The following SYNJ2 variants were observed in gnomAD, a reference collection of about 807,000 sequenced individuals.
SYNJ2 encodes the protein synaptojanin 2.
In SYNJ2, 116 loss-of-function variants were observed where a neutral mutation model predicts 141.3. That is an observed-to-expected ratio of 0.82 (90% CI 0.71 to 0.96). SYNJ2 has a LOEUF of 0.96. SYNJ2 is among the 40% of genes least tolerant of loss of function. The pLI, the probability that SYNJ2 is intolerant of heterozygous loss-of-function variation, is 0.00. For missense variants in SYNJ2, 1,873 were observed against 1,934.8 expected (o/e 0.97, Z 0.60); for synonymous variants, 745 against 777.7 (o/e 0.96, Z 0.70).
Position 158,046,241 on chromosome 6 carries a change from CG to C in SYNJ2, c.795+2844del, listed in dbSNP as rs1364367376. On this transcript the variant is annotated intron_variant, in intron 5 of 26. Coordinates refer to ENST00000355585, the MANE Select transcript of SYNJ2 (RefSeq NM_003898.4). ...GATTACAGGCGTGAGCCATCGCGCC[CG>C]GCCTCCATGGTTTCTTCAAAACAAG... Among the ~76,000 whole-genome samples, 5 of 151,810 alleles carry C rather than the reference CG, an allele frequency of 3.3e-5. No homozygotes were observed. The East Asian group carries it at 9.7e-4, about 29-fold the overall frequency.
intron 2 of SYNJ2, among the ~76,000 whole-genome samples, chr6:158,021,754 G>T (rs1304641619): frequency 6.6e-6 from 1 of 152,198 alleles, no homozygotes; most frequent in Non-Finnish European, 1.5e-5. Context: ...AGTCTTTTGG[G>T]ATGCAGTGTT....
chr6:158,047,023 T>A (rs1007953311), intron 5 of SYNJ2, among the ~76,000 whole-genome samples: 2 of 152,144 alleles, frequency 1.3e-5, no homozygotes, highest in Non-Finnish European at 2.9e-5. Flanking sequence ...TGCCTTCACC[T>A]CTTTCCTGCC....
At chr6:157,987,558 C>T (rs372813804) in intron 1 of SYNJ2, among the ~76,000 whole-genome samples, 63 of 152,012 alleles carry the variant, frequency 4.1e-4, no homozygotes, top group African/African-American at 1.4e-3. Flanking sequence ...CGTGCCATCA[C>T]GTCCGGCTAA....
upstream of SYNJ2, chr6:157,981,744 G>T (rs551589043): frequency 2.0e-4 from 69 of 337,092 alleles, no homozygotes; most frequent in African/African-American, 1.5e-3. This position sits in a 1 kb window ranked among gnomAD's most constrained non-coding sequence, Gnocchi z 6.4. Context: ...GCGCGGGGCC[G>T]GGCGGGAGGC....
chr6:158,078,872 G>GCAAC (rs1462919305), intron 18 of SYNJ2: 2 of 143,616 alleles, frequency 1.4e-5, no homozygotes, highest in Non-Finnish European at 3.0e-5. Context: ...TCAGCTCACT[G>GCAAC]CAACCTCCGC....
intron 23 of SYNJ2, among the ~76,000 whole-genome samples, chr6:158,088,180 C>T (rs767835721): frequency 6.6e-6 from 1 of 150,654 alleles, no homozygotes; most frequent in Non-Finnish European, 1.5e-5. Flanking sequence ...CCTACCTCAG[C>T]CTGCCAAGTA....
At chr6:158,021,311 T>G (rs1778758637) in intron 2 of SYNJ2, among the ~76,000 whole-genome samples, 1 of 152,236 alleles carries the variant, frequency 6.6e-6, no homozygotes, top group Non-Finnish European at 1.5e-5. Context: ...ACAGCTGAAC[T>G]GCATTTAATC....
rs1386709219 is a variant in SYNJ2, at chr6:158,041,339, A to G, written c.712-1977A>G. 2.0e-5 allele frequency among the ~76,000 whole-genome samples: 3 copies of G among 152,284 alleles called. No individual in the cohort carries two copies. In the East Asian group the frequency reaches 5.8e-4, roughly 29 times the overall value. ...AATGACATCTGTGAGGTGAGACATC[A>G]CTTCTTCCACTGGTATTAAAAGTTG... On this transcript the variant is annotated intron_variant, in intron 4 of 26. Transcript: ENST00000355585.
intron 1 of SYNJ2, among the ~76,000 whole-genome samples, chr6:158,006,859 G>A (rs373111464): frequency 6.7e-6 from 1 of 148,206 alleles, no homozygotes; most frequent in Admixed American, 6.8e-5. Context: ...TTTTAGTGGA[G>A]GTGGGGTTTC....
At position 158,064,634 on chromosome 6, in the gene SYNJ2, A is replaced by G; in HGVS notation, c.1243A>G (p.Ser415Gly). ...TCTGCAGCTCAAGACCCTGGGGCTG[A>G]GTTCAAAACCCATCGTTGACCGCTT... ...LHLQLKTLGLSSKPIVDRFVE... is the reference protein window; with the variant it reads ...LHLQLKTLGLGSKPIVDRFVE... Residue 415 changes from serine to glycine, a missense_variant, in exon 10 of 27, where the codon AGT (serine) becomes GGT (glycine). Ser to Gly is a moderately conservative substitution (Grantham distance 56). Coordinates refer to ENST00000355585, the MANE Select transcript of SYNJ2 (RefSeq NM_003898.4). 6.2e-7 allele frequency: 1 copy of G among 1,614,022 alleles called. No individual in the cohort carries two copies. The highest frequency in any genetic ancestry group is 8.5e-7 in the Non-Finnish European group (1 of 1,180,014).
intron 25 of SYNJ2, among the ~76,000 whole-genome samples, chr6:158,090,699 C>G (rs1428236616): frequency 6.6e-6 from 1 of 151,864 alleles, no homozygotes; most frequent in Non-Finnish European, 1.5e-5. Flanking sequence ...CGCGCAGCCC[C>G]ATGATGAGCC....
intron 24 of SYNJ2, 95 bp from the exon 25 acceptor site, chr6:158,089,744 G>T: frequency 1.3e-6 from 1 of 776,004 alleles, no homozygotes; most frequent in Non-Finnish European, 2.2e-6. Context: ...ATCGTCTGGT[G>T]GAGCCCTGCA....
At position 157,982,679 on chromosome 6, in the gene SYNJ2, A is replaced by G. The variant is rs1323899231; in HGVS notation, c.127+591A>G. Among the ~76,000 whole-genome samples, 2 of 152,216 alleles carry G rather than the reference A, an allele frequency of 1.3e-5. No homozygotes were observed. Among genetic ancestry groups the G allele is most frequent in the Non-Finnish European group, 2.9e-5 (2 of 68,046 alleles). The stretch of plus-strand genomic sequence containing the variant: ...CCTGCCAAGCCAGCGAATTTCACCT[A>G]TGGACTTCAGAAGCCTTGAAACTGG... On this transcript the variant is annotated intron_variant, in intron 1 of 26. Transcript: ENST00000355585. This position sits in a 1 kb window ranked among gnomAD's most constrained non-coding sequence, Gnocchi z 4.0.
At position 158,076,793 on chromosome 6, in the gene SYNJ2, C is replaced by T. The variant is rs749971217; in HGVS notation, c.2449+11C>T. ...CCTTTGATAAAACAGGTGAGGGGGC[C>T]GTGCCCGTTCGAGAGTCGGCAGAGG... On this transcript the variant is annotated intron_variant, in intron 17 of 26. Transcript: ENST00000355585. 1.4e-5 allele frequency: 22 copies of T among 1,600,524 alleles called. No homozygotes were observed. The East Asian group carries it at 3.6e-4, about 26-fold the overall frequency.
rs182865265 is a variant in SYNJ2 at position 158,094,121 on chromosome 6, G to A, written c.3744+1017G>A. 1.4e-4 allele frequency: 91 copies of A among 645,178 alleles called. 1 individual carries two copies. Among genetic ancestry groups the A allele is most frequent in the Middle Eastern group, 7.9e-4 (2 of 2,518 alleles). The allele number at this position is 645,178 out of a possible 1,614,324, so 40.0% of individuals were successfully genotyped here. A position where few individuals can be genotyped will look rare whatever the true frequency, so the allele number is the denominator to read the frequency against. On this transcript the variant is annotated intron_variant, in intron 26 of 26. Transcript: ENST00000355585. ...GGGCTTCGGCTTCACTCTTGACAGC[G>A]CTTGCTTTGTATTTCCTGGGTTGCT...
chr6:158,089,405 A>T, intron 24 of SYNJ2, among the ~76,000 whole-genome samples: 1 of 152,110 alleles, frequency 6.6e-6, no homozygotes, highest in East Asian at 1.9e-4. Context: ...TGGAGGGGTG[A>T]CTGGAGGCCA....
intron 2 of SYNJ2, among the ~76,000 whole-genome samples, chr6:158,022,443 C>G (rs1778827399): frequency 6.6e-6 from 1 of 152,222 alleles, no homozygotes; most frequent in African/African-American, 2.4e-5. Context: ...AACAAATTGC[C>G]TAGGACCTGC....
rs928505403 is a variant in SYNJ2, at chr6:158,098,264, T to C, written c.*1900T>C. 6.6e-6 allele frequency: 1 copy of C among 152,226 alleles called. No individual in the cohort carries two copies. Among genetic ancestry groups the C allele is most frequent in the Non-Finnish European group, 1.5e-5 (1 of 68,038 alleles). 9.4% of individuals were successfully genotyped at this position (152,226 alleles called of 1,614,324 possible). ...CTTGCAGTGCTGGAAATAGATCTCATTTTTAGGTTTTCTCTTCGTTCCAGA... is the reference window on the plus strand; with the variant it reads ...CTTGCAGTGCTGGAAATAGATCTCACTTTTAGGTTTTCTCTTCGTTCCAGA... On this transcript the variant is annotated 3_prime_UTR_variant, in exon 27 of 27. Coordinates refer to ENST00000355585, the MANE Select transcript of SYNJ2 (RefSeq NM_003898.4).
intron 2 of SYNJ2, chr6:158,017,822 C>A: frequency 1.9e-6 from 1 of 528,698 alleles, no homozygotes; most frequent in Non-Finnish European, 3.9e-6. Flanking sequence ...TGTCACCTGC[C>A]TGTGCTGGGG....
Sources: gnomAD v4.1 joint callset for allele counts (sites outside exome capture counted in the v4.1 genomes callset) on GRCh38, gnomAD v4.1.1 for gene constraint, Gnocchi (gnomAD v3.1) non-coding constraint, MANE v1.5 for transcripts, NCBI Gene and HGNC (gene_info 2026-07-23, HGNC 2026-07-21) for gene names.